KMT5A: variants seen among roughly 807,000 people sequenced by gnomAD.
KMT5A encodes lysine methyltransferase 5A, also known as N-lysine methyltransferase KMT5A.
Under a neutral mutation model 40.6 loss-of-function variants are expected in KMT5A, and 6 were observed. That is an observed-to-expected ratio of 0.15 (90% CI 0.08 to 0.29). KMT5A has a LOEUF of 0.29. Among genes scored for constraint, KMT5A ranks in the 10% least tolerant of loss-of-function variants. KMT5A has a pLI of 1.00. For synonymous variants in KMT5A, 153 were observed against 178.8 expected, an observed-to-expected ratio of 0.86 and a Z score of 1.15; for missense variants, 308 against 459.1, an observed-to-expected ratio of 0.67 and a Z score of 3.01.
At chr12:123,392,386 G>C (rs1269946736) in intron 3 of KMT5A, among the ~76,000 whole-genome samples, 1 of 152,184 alleles carries the variant, frequency 6.6e-6, no homozygotes, top group Non-Finnish European at 1.5e-5. Flanking sequence ...GTCCGGGCAT[G>C]GTGGCTCGGG....
At chr12:123,386,210 ATTTT>A (rs59509232) in intron 1 of KMT5A, among the ~76,000 whole-genome samples, 26 of 79,828 alleles carry the variant, frequency 3.3e-4, no homozygotes, top group Admixed American at 1.2e-3. Flanking sequence ...TTAGATTTAG[ATTTT>A]TTTTTTTTTT....
Position 123,401,971 on chromosome 12 carries a change from C to T in KMT5A, c.598-1602C>T, listed in dbSNP as rs140885290. ...AGTCATGACTCACTGCAGCCTCAAC[C>T]TCCTGGGCTCCAGCAATCCTCCTCC... On this transcript the variant is annotated intron_variant, in intron 5 of 7. Transcript: ENST00000402868. 4.0e-3 allele frequency among the ~76,000 whole-genome samples: 612 copies of T among 152,298 alleles called. 6 individuals carry two copies. Among genetic ancestry groups the T allele is most frequent in the African/African-American group, 0.014 (589 of 41,562 alleles).
intron 5 of KMT5A, among the ~76,000 whole-genome samples, chr12:123,398,840 G>A (rs1458407276): frequency 6.6e-6 from 1 of 152,268 alleles, no homozygotes; most frequent in African/African-American, 2.4e-5. Context: ...GGCCCAGGCT[G>A]TGGATCCAGG....
At chr12:123,386,049 G>A (rs750948768) in intron 1 of KMT5A, among the ~76,000 whole-genome samples, 1 of 151,936 alleles carries the variant, frequency 6.6e-6, no homozygotes, top group Non-Finnish European at 1.5e-5. Context: ...TACCCAAAGC[G>A]AAGATAATGT....
rs746044601 is a variant in KMT5A, at chr12:123,395,090, C to T, written c.333C>T (p.Ser111=). The change falls in exon 4 of 8, where the codon TCC becomes TCT. Residue 111 remains serine, a synonymous_variant. Coordinates refer to ENST00000402868, the MANE Select transcript of KMT5A (RefSeq NM_020382.7). ...ACGCAGTACGGAGCGCCATGAAGTC[C>T]GAGGAACAGAAGATCAAAGACGCCA... is the stretch of plus-strand genomic sequence containing the variant. The part of the protein sequence containing the change: ...AGNAVRSAMK[S]EEQKIKDARK... 4.3e-5 allele frequency: 69 copies of T among 1,592,788 alleles called. No individual in the cohort carries two copies. Among genetic ancestry groups the T allele is most frequent in the African/African-American group, 6.7e-5 (5 of 74,334 alleles).
chr12:123,401,743 A>G (rs532592413), intron 5 of KMT5A, among the ~76,000 whole-genome samples: 16 of 151,756 alleles, frequency 1.1e-4, no homozygotes, highest in African/African-American at 3.9e-4. Context: ...CACCACGCCC[A>G]GCTAATTTTT....
At chr12:123,404,540 CGTG>C (rs1319932233) in intron 6 of KMT5A, among the ~76,000 whole-genome samples, 1 of 152,198 alleles carries the variant, frequency 6.6e-6, no homozygotes, top group Admixed American at 6.6e-5. Context: ...GCCTCAGACA[CGTG>C]GTTGTGCCTC....
intron 6 of KMT5A, 73 bp from the exon 7 acceptor site, chr12:123,404,811 T>A: frequency 6.8e-7 from 1 of 1,466,290 alleles, no homozygotes; most frequent in Non-Finnish European, 9.2e-7. Flanking sequence ...AAGCCCCAGC[T>A]CCCCGGAGAC....
intron 7 of KMT5A, among the ~76,000 whole-genome samples, chr12:123,405,540 T>TGAA (rs1878481671): frequency 1.4e-5 from 2 of 142,542 alleles, no homozygotes; most frequent in Admixed American, 7.0e-5. Context: ...TTTTTTTTTT[T>TGAA]TTTGAATCTC....
chr12:123,405,674 G>A (rs73216930), intron 7 of KMT5A, among the ~76,000 whole-genome samples: 2,866 of 150,802 alleles, frequency 0.019, 40 homozygotes, highest in Non-Finnish European at 0.03. Flanking sequence ...GCGTCACCAC[G>A]CCCAGCTAAT....
Position 123,384,409 on chromosome 12 carries a change from C to G in KMT5A, c.10+201C>G, listed in dbSNP as rs1876741363. The stretch of plus-strand genomic sequence containing the variant: ...GCGGCTCCAGATGCCCCCAGAAACC[C>G]TTCCCACTGCCGTGCTTCTGTTTCC... On this transcript the variant is annotated intron_variant, in intron 1 of 7. Transcript: ENST00000402868. This position sits in a 1 kb window ranked among gnomAD's most constrained non-coding sequence, Gnocchi z 5.7. Among the ~76,000 whole-genome samples the G allele has an allele frequency of 6.6e-6, 1 of 152,234 alleles. No individual in the cohort carries two copies. The highest frequency in any genetic ancestry group is 6.5e-5 in the Admixed American group (1 of 15,284).
intron 6 of KMT5A, among the ~76,000 whole-genome samples, chr12:123,404,365 C>T (rs547752370): frequency 6.6e-6 from 1 of 152,282 alleles, no homozygotes; most frequent in South Asian, 2.1e-4. Flanking sequence ...CAACCCCATT[C>T]AACTCCATGT....
At chr12:123,386,268 T>A (rs1876867433) in intron 1 of KMT5A, among the ~76,000 whole-genome samples, 1 of 143,090 alleles carries the variant, frequency 7.0e-6, no homozygotes, top group Admixed American at 7.6e-5. Flanking sequence ...CAGGCTGGAG[T>A]ACAGTGGAGT....
intron 6 of KMT5A, 48 bp from the exon 7 acceptor site, chr12:123,404,835 TG>T (rs767582644): frequency 8.3e-6 from 13 of 1,566,034 alleles, no homozygotes; most frequent in Non-Finnish European, 1.1e-5. Flanking sequence ...CTGTGCACAG[TG>T]GCATCCATTG....
chr12:123,398,418 G>A (rs1325590658), intron 5 of KMT5A, among the ~76,000 whole-genome samples: 2 of 152,176 alleles, frequency 1.3e-5, no homozygotes, highest in Non-Finnish European at 1.5e-5. Context: ...GGGCTGCTGT[G>A]GACTTTAGGG....
intron 5 of KMT5A, among the ~76,000 whole-genome samples, chr12:123,401,504 A>G (rs1878176305): frequency 1.3e-5 from 2 of 151,610 alleles, no homozygotes; most frequent in African/African-American, 2.4e-5. Flanking sequence ...TAGTCCATTT[A>G]TGTTTAAGGT....
At position 123,390,747 on chromosome 12, in the gene KMT5A, C is replaced by T; in HGVS notation, c.250C>T (p.Gln84Ter). 1 of 1,613,918 alleles carries T rather than the reference C, an allele frequency of 6.2e-7. No homozygotes were observed. Among genetic ancestry groups the T allele is most frequent in the Non-Finnish European group, 8.5e-7 (1 of 1,179,840 alleles). Reference sequence around the variant, plus strand: ...AGTTACACATCACGAAGTCAAATGCCAGGGGAAACCATTAGCCGGAATCTA... The same window carrying T: ...AGTTACACATCACGAAGTCAAATGCTAGGGGAAACCATTAGCCGGAATCTA... ...NSVTHHEVKC[Q>*]GKPLAGIYRK... Residue 84 changes from glutamine to a stop codon, truncating the protein, a stop_gained, in exon 3 of 8, where the codon CAG becomes TAG. Coordinates refer to ENST00000402868, the MANE Select transcript of KMT5A (RefSeq NM_020382.7). LOFTEE classifies it high-confidence loss of function.
intron 2 of KMT5A, among the ~76,000 whole-genome samples, 200 bp from the exon 3 acceptor site, chr12:123,390,430 C>T (rs1230020822): frequency 2.0e-5 from 3 of 152,144 alleles, no homozygotes; most frequent in Non-Finnish European, 2.9e-5. Context: ...GAGACCAGCG[C>T]GTTTAGGAAA....
chr12:123,386,022 A>G (rs1417815334), intron 1 of KMT5A, among the ~76,000 whole-genome samples: 1 of 151,924 alleles, frequency 6.6e-6, no homozygotes, highest in Admixed American at 6.6e-5. Context: ...TGCTTGTGCC[A>G]CCCAACCTCC....
Sources: gnomAD v4.1 joint callset for allele counts (sites outside exome capture counted in the v4.1 genomes callset) on GRCh38, gnomAD v4.1.1 for gene constraint, Gnocchi (gnomAD v3.1) non-coding constraint, MANE v1.5 for transcripts, NCBI Gene and HGNC (gene_info 2026-07-23, HGNC 2026-07-21) for gene names.